Variants in AKAP11 observed in about 807,000 individuals in gnomAD.
AKAP11 encodes A-kinase anchor protein 11.
AKAP11 carries 36 observed loss-of-function variants against 146.1 expected under a neutral mutation model. The observed-to-expected ratio is 0.25, with a 90% CI of 0.19 to 0.33. The LOEUF (loss-of-function observed/expected upper bound fraction) is 0.33. Among genes scored for constraint, AKAP11 ranks in the 10% least tolerant of loss-of-function variants. The pLI, the probability that AKAP11 is intolerant of heterozygous loss-of-function variation, is 1.00. For synonymous variants in AKAP11, 780 were observed against 786.5 expected (o/e 0.99, Z 0.14); for missense variants, 2,201 against 2,197.0 (o/e 1.00, Z -0.04).
chr13:42,287,143 C>T (rs923362397), intron 3 of AKAP11, among the ~76,000 whole-genome samples: 11 of 152,096 alleles, frequency 7.2e-5, no homozygotes, highest in African/African-American at 2.4e-4. Context: ...ATCAGTGTTC[C>T]TATGAGCTTC....
Position 42,319,850 on chromosome 13 carries a change from C to G in AKAP11, c.*622C>G, listed in dbSNP as rs9533063. ...CTATAAACACTATAAGTGATAGTTTCCCCCATCCTTTCATTGACATTATTT... is the reference window on the plus strand; with the variant it reads ...CTATAAACACTATAAGTGATAGTTTGCCCCATCCTTTCATTGACATTATTT... On this transcript the variant is annotated 3_prime_UTR_variant, in exon 13 of 13. Coordinates refer to ENST00000025301, the MANE Select transcript of AKAP11 (RefSeq NM_016248.4). The G allele has an allele frequency of 6.6e-6, 1 of 152,046 alleles. No homozygotes were observed. The highest frequency in any genetic ancestry group is 1.5e-5 in the Non-Finnish European group (1 of 68,054). 9.4% of individuals were successfully genotyped at this position (152,046 alleles called of 1,614,324 possible). A position where few individuals can be genotyped will look rare whatever the true frequency, so the allele number is the denominator to read the frequency against.
Position 42,302,693 on chromosome 13 carries a change from A to G in AKAP11, c.3947A>G (p.Asp1316Gly). The change falls in exon 8 of 13, where the codon GAT becomes GGT. Residue 1316 changes from aspartate to glycine, a missense_variant. Around this residue, in one of 3 missense-constraint regions of AKAP11, gnomAD observed 1,867 missense variants for 1,833.5 expected, o/e 1.02. Coordinates refer to ENST00000025301, the MANE Select transcript of AKAP11 (RefSeq NM_016248.4). ...GCTGTAGTGCACCCAAGAGAAGTGG[A>G]TCCGTTTATTCTTTCATTACCACCA... ...IEAVVHPREV[D>G]PFILSLPPSS... 1.9e-6 allele frequency: 3 copies of G among 1,614,130 alleles called. No homozygotes were observed. The highest frequency in any genetic ancestry group is 2.5e-6 in the Non-Finnish European group (3 of 1,180,014).
At position 42,313,778 on chromosome 13, in the gene AKAP11, TAA is replaced by T. The variant is rs1960678270; in HGVS notation, c.5358-114_5358-113del. 3.7e-6 allele frequency: 3 copies of T among 805,144 alleles called. No homozygotes were observed. The Admixed American group carries it at 8.5e-5, about 23-fold the overall frequency. 49.9% of individuals were successfully genotyped at this position (805,144 alleles called of 1,614,324 possible). On this transcript the variant is annotated intron_variant, in intron 10 of 12. Transcript: ENST00000025301. ...TTTTAATTGTCATTTCTCCCCTTTC[TAA>T]ATGTCATATGTCATATTGTAACATT... is the stretch of plus-strand genomic sequence containing the variant.
intron 3 of AKAP11, 81 bp from the exon 4 acceptor site, chr13:42,292,304 A>G: frequency 2.6e-6 from 2 of 761,634 alleles, no homozygotes; most frequent in Non-Finnish European, 2.1e-6. Flanking sequence ...ATGAGTGACT[A>G]TCTAAAACAT....
intron 1 of AKAP11, among the ~76,000 whole-genome samples, chr13:42,283,486 G>T (rs1462913206): frequency 3.3e-5 from 5 of 152,164 alleles, no homozygotes; most frequent in Non-Finnish European, 5.9e-5. Context: ...CTTGAATAAG[G>T]GTGTTTTATC....
At chr13:42,312,893 G>A (rs1363474641) in intron 9 of AKAP11, among the ~76,000 whole-genome samples, 154 bp from the exon 10 acceptor site, 1 of 152,178 alleles carries the variant, frequency 6.6e-6, no homozygotes, top group East Asian at 1.9e-4. Context: ...TTTAGCATAG[G>A]AGTGATGGTC....
chr13:42,295,864 G>A, intron 5 of AKAP11, 122 bp downstream of exon 5: 1 of 820,884 alleles, frequency 1.2e-6, no homozygotes, highest in Non-Finnish European at 2.0e-6. Context: ...TCTGCATTCT[G>A]TGTATAATAC....
intron 12 of AKAP11, 26 bp downstream of exon 12, chr13:42,317,714 A>T (rs1216796617): frequency 6.2e-7 from 1 of 1,605,262 alleles, no homozygotes; most frequent in Non-Finnish European, 8.5e-7. Context: ...ACAGAGTGTG[A>T]GGATACATTT....
chr13:42,279,165 G>A (rs1472427513), intron 1 of AKAP11, among the ~76,000 whole-genome samples: 1 of 151,888 alleles, frequency 6.6e-6, no homozygotes, highest in Non-Finnish European at 1.5e-5. Flanking sequence ...GGTACTGTCA[G>A]TTTACGGTTT....
chr13:42,311,793 T>A (rs971234529), intron 9 of AKAP11, among the ~76,000 whole-genome samples: 8 of 152,170 alleles, frequency 5.3e-5, no homozygotes, highest in South Asian at 2.1e-4. Flanking sequence ...GTATATTTTC[T>A]TATTTTTAGT....
chr13:42,317,414 T>C, intron 11 of AKAP11, 114 bp from the exon 12 acceptor site: 2 of 1,109,878 alleles, frequency 1.8e-6, no homozygotes, highest in South Asian at 3.5e-5. Context: ...GATATTTTTT[T>C]CACCATTCAT....
At chr13:42,273,241 T>TCC (rs1958823483) in intron 1 of AKAP11, among the ~76,000 whole-genome samples, 1 of 152,160 alleles carries the variant, frequency 6.6e-6, no homozygotes, top group Non-Finnish European at 1.5e-5. Flanking sequence ...TATGGAGTAC[T>TCC]AAGAAAAAAT....
chr13:42,293,218 C>T (rs1959298418), intron 4 of AKAP11, among the ~76,000 whole-genome samples: 1 of 152,100 alleles, frequency 6.6e-6, no homozygotes, highest in South Asian at 2.1e-4. Flanking sequence ...GATAGATGCT[C>T]CTGGACTTAT....
In AKAP11 at chr13:42,295,737, A is replaced by T. The variant is rs751172794; in HGVS notation, c.211A>T (p.Ile71Leu). The T allele has an allele frequency of 1.9e-6, 3 of 1,609,672 alleles. No individual in the cohort carries two copies. Among genetic ancestry groups the T allele is most frequent in the African/African-American group, 1.3e-5 (1 of 74,730 alleles). The change falls in exon 5 of 13, where the codon ATA becomes TTA. Residue 71 changes from isoleucine (I) to leucine (L), a missense_variant. By Grantham distance (5) the Ile-to-Leu change is conservative (BLOSUM62 2). This residue lies in a region of AKAP11 where 331 missense variants were observed against 347.4 expected (regional missense o/e 0.95). Transcript: ENST00000025301. ...TAATGAAGAGACAGATGCTGCTCAT[A>T]TACAGGTATGGTGAATTTTAGCATT... ...GFNEETDAAH[I>L]QDLAAVSLEL...
At chr13:42,287,318 C>G (rs1274789477) in intron 3 of AKAP11, among the ~76,000 whole-genome samples, 1 of 151,758 alleles carries the variant, frequency 6.6e-6, no homozygotes, top group African/African-American at 2.4e-5. Context: ...CAGTTTCGCT[C>G]TGTTGCCCAG....
In AKAP11 at chr13:42,298,679, T is replaced by G. The variant is rs746471629; in HGVS notation, c.498T>G (p.Leu166=). The part of the protein sequence containing the change: ...LDTFLHQKHQ[L]ETTDEDDDDT... Reference sequence around the variant, plus strand: ...CATTCTTGCATCAGAAGCACCAACTTGAGACCACTGATGAAGATGATGATG... The same window carrying G: ...CATTCTTGCATCAGAAGCACCAACTGGAGACCACTGATGAAGATGATGATG... Residue 166 remains leucine (L), a synonymous_variant, in exon 7 of 13, where the codon CTT becomes CTG. Coordinates refer to ENST00000025301, the MANE Select transcript of AKAP11 (RefSeq NM_016248.4). 1 of 1,611,714 alleles carries G rather than the reference T, an allele frequency of 6.2e-7. No individual in the cohort carries two copies. The highest frequency in any genetic ancestry group is 1.1e-5 in the South Asian group (1 of 90,730).
chr13:42,271,860 C>CCCGCGGGCTGCCCCGCGGGCTGCT (rs1958773524), upstream of AKAP11, among the ~76,000 whole-genome samples: 1 of 151,464 alleles, frequency 6.6e-6, no homozygotes, highest in Non-Finnish European at 1.5e-5. Context: ...GCGGGGCTGC[C>CCCGCGGGCTGCCCCGCGGGCTGCT]CCGCGGGCTG....
At chr13:42,295,980 G>C (rs1959488895) in intron 5 of AKAP11, among the ~76,000 whole-genome samples, 1 of 152,162 alleles carries the variant, frequency 6.6e-6, no homozygotes, top group Non-Finnish European at 1.5e-5. Flanking sequence ...TAAAAGGTAA[G>C]ATTTGTAAAA....
chr13:42,300,991 C>G lies in AKAP11; in HGVS notation c.2245C>G (p.Gln749Glu), dbSNP rs1184530757. Reference sequence around the variant, plus strand: ...CACGTTTTCCCCTTCTTTTCACAATCAAGCAATTATGGTGACAAAACCAGT... The same window carrying G: ...CACGTTTTCCCCTTCTTTTCACAATGAAGCAATTATGGTGACAAAACCAGT... ...AVTFSPSFHN[Q>E]AIMVTKPVQE... Residue 749 changes from glutamine (Q) to glutamate (E), a missense_variant, in exon 8 of 13, where the codon CAA (glutamine) becomes GAA (glutamate). This residue lies in a region of AKAP11 where 1,867 missense variants were observed against 1,833.5 expected (regional missense o/e 1.02). Coordinates refer to ENST00000025301, the MANE Select transcript of AKAP11 (RefSeq NM_016248.4). 1 of 1,613,988 alleles carries G rather than the reference C, an allele frequency of 6.2e-7. No individual in the cohort carries two copies. Among genetic ancestry groups the G allele is most frequent in the South Asian group, 1.1e-5 (1 of 91,080 alleles).
Sources: allele counts gnomAD v4.1 joint callset (sites outside exome capture counted in the v4.1 genomes callset), GRCh38; gene constraint gnomAD v4.1.1; regional missense constraint gnomAD v4.1.1; transcripts MANE v1.5; gene names NCBI Gene and HGNC (gene_info 2026-07-23, HGNC 2026-07-21).